Variants in TNKS observed in about 807,000 individuals in gnomAD.
The protein encoded by TNKS is poly [ADP-ribose] polymerase tankyrase-1.
Under a neutral mutation model 135.8 loss-of-function variants are expected in TNKS, and 72 were observed. That is an observed-to-expected ratio of 0.53 (90% CI 0.44 to 0.64). TNKS has a LOEUF of 0.64. Among genes scored for constraint, TNKS ranks in the 30% least tolerant of loss-of-function variants. The probability of loss-of-function intolerance (pLI) is 0.00; values close to 1 mark genes in which losing one functional copy is unlikely to be tolerated. For missense variants in TNKS, 1,769 were observed against 1,674.0 expected (o/e 1.06, Z -0.99); for synonymous variants, 849 against 649.3 (o/e 1.31, Z -4.68).
chr8:9,682,930 C>A (rs1189843264), intron 5 of TNKS, among the ~76,000 whole-genome samples: 1 of 151,562 alleles, frequency 6.6e-6, no homozygotes, highest in Non-Finnish European at 1.5e-5. Flanking sequence ...CAAAAGATTC[C>A]TAAAATATAA....
At chr8:9,657,367 G>T (rs1801436635) in intron 3 of TNKS, among the ~76,000 whole-genome samples, 1 of 87,882 alleles carries the variant, frequency 1.1e-5, no homozygotes. Context: ...TTCCCAGTAG[G>T]GGCGGCCGGG....
At chr8:9,607,837 CAG>C (rs1491297095) in intron 2 of TNKS, among the ~76,000 whole-genome samples, 1 of 152,096 alleles carries the variant, frequency 6.6e-6, no homozygotes, top group Non-Finnish European at 1.5e-5. Context: ...ACTGCTTTGT[CAG>C]GGGCATTCTA....
At chr8:9,628,473 T>C (rs187490065) in intron 3 of TNKS, among the ~76,000 whole-genome samples, 7 of 152,296 alleles carry the variant, frequency 4.6e-5, no homozygotes, top group Admixed American at 1.3e-4. Context: ...ACTTCCTTTT[T>C]TAAATGGTCT....
At chr8:9,632,495 C>T (rs977036041) in intron 3 of TNKS, among the ~76,000 whole-genome samples, 7 of 152,006 alleles carry the variant, frequency 4.6e-5, no homozygotes, top group Admixed American at 6.5e-5. Context: ...ATCTTCTTAC[C>T]GTTTCATGAA....
chr8:9,562,037 G>A (rs77128001), intron 1 of TNKS, among the ~76,000 whole-genome samples: 2 of 151,926 alleles, frequency 1.3e-5, no homozygotes, highest in Admixed American at 1.3e-4. Context: ...GGCTGGTCAC[G>A]AACTCCTGAC....
chr8:9,770,796 G>T (rs911603074), intron 26 of TNKS, among the ~76,000 whole-genome samples: 3 of 152,150 alleles, frequency 2.0e-5, no homozygotes, highest in African/African-American at 7.2e-5. Context: ...AATGCTGTTG[G>T]GGGAAGACTG....
intron 14 of TNKS, among the ~76,000 whole-genome samples, chr8:9,732,262 A>T (rs1056054740): frequency 1.3e-5 from 2 of 152,146 alleles, no homozygotes; most frequent in Non-Finnish European, 2.9e-5. Flanking sequence ...TAGTTTGCTA[A>T]ATTATTTTGT....
At chr8:9,678,134 C>T (rs942556644) in intron 3 of TNKS, among the ~76,000 whole-genome samples, 4 of 152,136 alleles carry the variant, frequency 2.6e-5, no homozygotes, top group Admixed American at 6.6e-5. Flanking sequence ...TAGTGTCTTT[C>T]GCGTTAAAAT....
chr8:9,728,032 T>C (rs559604075), intron 13 of TNKS, among the ~76,000 whole-genome samples: 1 of 152,352 alleles, frequency 6.6e-6, no homozygotes, highest in East Asian at 1.9e-4. Context: ...AGTGCTTGAA[T>C]TGCTATATGT....
Position 9,581,416 on chromosome 8 carries a change from A to G in TNKS, c.898+1033A>G, listed in dbSNP as rs540681061. On this transcript the variant is annotated intron_variant, in intron 2 of 26. Transcript: ENST00000310430. The stretch of plus-strand genomic sequence containing the variant: ...CAGTTTTTTGACATCTTCCAGTTTC[A>G]ACTGACTCTCCCATTTCCTCCTAAG... Among the ~76,000 whole-genome samples, 122 of 152,258 alleles carry G rather than the reference A, an allele frequency of 8.0e-4. 2 individuals are homozygous for G. The highest frequency in any genetic ancestry group is 2.8e-3 in the African/African-American group (116 of 41,560).
chr8:9,666,945 A>T (rs944313840), intron 3 of TNKS, among the ~76,000 whole-genome samples: 8 of 152,166 alleles, frequency 5.3e-5, no homozygotes, highest in Admixed American at 1.3e-4. Context: ...AAGAAATTCT[A>T]TCAAGAAAAG....
intron 20 of TNKS, among the ~76,000 whole-genome samples, chr8:9,757,105 T>C (rs192085392): frequency 2.2e-4 from 34 of 152,266 alleles, no homozygotes; most frequent in African/African-American, 7.9e-4. Flanking sequence ...GCCTCCTGAG[T>C]AGCTGGGATT....
At chr8:9,729,771 C>CTTTTTTTTTT (rs763357075) in intron 13 of TNKS, among the ~76,000 whole-genome samples, 4 of 95,028 alleles carry the variant, frequency 4.2e-5, no homozygotes, top group Non-Finnish European at 7.6e-5. Flanking sequence ...ATATGATATT[C>CTTTTTTTTTT]TTTTTTTTTT....
intron 17 of TNKS, among the ~76,000 whole-genome samples, chr8:9,746,828 C>G (rs1011482166): frequency 1.3e-5 from 2 of 150,466 alleles, no homozygotes; most frequent in African/African-American, 4.9e-5. Context: ...TGTTTTACCT[C>G]AGAAGGTGCC....
chr8:9,724,918 T>C (rs1258205019), intron 12 of TNKS, among the ~76,000 whole-genome samples: 4 of 152,212 alleles, frequency 2.6e-5, no homozygotes, highest in Non-Finnish European at 2.9e-5. Context: ...CCATATTAAA[T>C]GTATCCTTAA....
At chr8:9,704,519 C>T (rs996049545) in intron 5 of TNKS, 144 bp from the exon 6 acceptor site, 23 of 624,158 alleles carry the variant, frequency 3.7e-5, no homozygotes, top group African/African-American at 2.6e-4. Flanking sequence ...ATTATCTCTC[C>T]TTAAGTTATG....
At chr8:9,731,472 A>C (rs930294992) in intron 14 of TNKS, among the ~76,000 whole-genome samples, 2 of 149,962 alleles carry the variant, frequency 1.3e-5, no homozygotes, top group Admixed American at 6.7e-5. Context: ...AAAAAAAAAA[A>C]AAAAAAAAAA....
intron 2 of TNKS, among the ~76,000 whole-genome samples, chr8:9,606,340 G>C (rs960758027): frequency 1.5e-4 from 23 of 151,736 alleles, no homozygotes; most frequent in African/African-American, 5.6e-4. Context: ...GAATAACATA[G>C]TTTTTCAATT....
intron 3 of TNKS, among the ~76,000 whole-genome samples, chr8:9,624,593 C>T (rs1490200833): frequency 6.6e-6 from 1 of 152,140 alleles, no homozygotes; most frequent in Admixed American, 6.5e-5. Flanking sequence ...ACATTTCTGT[C>T]ATAGAAATAC....
Sources: gnomAD v4.1 joint callset for allele counts (sites outside exome capture counted in the v4.1 genomes callset) on GRCh38, gnomAD v4.1.1 for gene constraint, MANE v1.5 for transcripts, NCBI Gene and HGNC (gene_info 2026-07-23, HGNC 2026-07-21) for gene names.